Variants in SEMA4B observed in about 807,000 individuals in gnomAD.
SEMA4B encodes semaphorin 4B.
SEMA4B carries 55 observed loss-of-function variants against 88.1 expected under a neutral mutation model. That is an observed-to-expected ratio of 0.62 (90% CI 0.50 to 0.78). The LOEUF (loss-of-function observed/expected upper bound fraction) is 0.78. SEMA4B is among the 30% of genes least tolerant of loss of function. SEMA4B has a pLI of 0.00. For missense variants in SEMA4B, 1,062 were observed against 1,111.9 expected, an observed-to-expected ratio of 0.96 and a Z score of 0.64; for synonymous variants, 525 against 473.6, an observed-to-expected ratio of 1.11 and a Z score of -1.41.
chr15:90,227,413 G>A (rs1395778214), intron 12 of SEMA4B, 144 bp from the exon 13 acceptor site: 4 of 637,604 alleles, frequency 6.3e-6, no homozygotes, highest in African/African-American at 3.7e-5. Context: ...GAAATAATGT[G>A]TAGACAGAGG....
intron 1 of SEMA4B, among the ~76,000 whole-genome samples, chr15:90,215,269 C>T (rs1961479603): frequency 6.6e-6 from 1 of 150,420 alleles, no homozygotes; most frequent in Non-Finnish European, 1.5e-5. Flanking sequence ...ATAAGGATAA[C>T]CTGCTTATTA....
In SEMA4B at chr15:90,228,551, C is replaced by T. The variant is rs777268721; in HGVS notation, c.2422C>T (p.Leu808Phe). Residue 808 changes from leucine to phenylalanine, a missense_variant, in exon 14 of 14, where the codon CTC becomes TTC. Leu to Phe is a conservative substitution (Grantham distance 22, BLOSUM62 0). Transcript: ENST00000411539. ...RVFTESEKRP[L>F]SIQDSFVEVS... is the part of the protein sequence containing the mutation. ...CTTCACTGAGTCAGAGAAGAGGCCA[C>T]TCAGCATCCAAGACAGCTTCGTGGA... The T allele has an allele frequency of 6.8e-6, 11 of 1,613,096 alleles. No homozygotes were observed. The Admixed American group carries it at 1.8e-4, about 27-fold the overall frequency.
At chr15:90,215,691 A>C (rs1961501014) in intron 1 of SEMA4B, among the ~76,000 whole-genome samples, 1 of 152,100 alleles carries the variant, frequency 6.6e-6, no homozygotes, top group South Asian at 2.1e-4. Flanking sequence ...ACATGCCTGT[A>C]ATCCCAGCTA....
At chr15:90,195,893 A>T (rs1387722464) in intron 1 of SEMA4B, among the ~76,000 whole-genome samples, 1 of 148,000 alleles carries the variant, frequency 6.8e-6, no homozygotes, top group African/African-American at 2.5e-5. Flanking sequence ...TCCAGGCGTG[A>T]GCTGCTGGGC....
chr15:90,204,854 C>T (rs972930509), intron 1 of SEMA4B, among the ~76,000 whole-genome samples: 4 of 152,308 alleles, frequency 2.6e-5, no homozygotes, highest in East Asian at 1.9e-4. Flanking sequence ...CCGCTCACTG[C>T]AGCCTCCACC....
Position 90,228,820 on chromosome 15 carries a change from C to T in SEMA4B, c.*177C>T. 1.2e-6 allele frequency: 1 copy of T among 808,782 alleles called. No individual in the cohort carries two copies. Among genetic ancestry groups the T allele is most frequent in the Non-Finnish European group, 1.9e-6 (1 of 528,020 alleles). 50.1% of individuals were successfully genotyped at this position (808,782 alleles called of 1,614,324 possible). On this transcript the variant is annotated 3_prime_UTR_variant, in exon 14 of 14. Coordinates refer to ENST00000411539, the MANE Select transcript of SEMA4B (RefSeq NM_198925.4). ...CAGTCAAGTAGCGAAGCTCCTACCA[C>T]CCAGACACCCAAACAGCCGTGGCCC... is the stretch of plus-strand genomic sequence containing the variant.
intron 1 of SEMA4B, among the ~76,000 whole-genome samples, chr15:90,186,100 A>T (rs1368244878): frequency 8.6e-5 from 13 of 151,594 alleles, no homozygotes; most frequent in Non-Finnish European, 1.5e-5. Context: ...TGCCAAGCTA[A>T]TTTTTGTATT....
intron 5 of SEMA4B, 125 bp from the exon 6 acceptor site, chr15:90,221,242 A>C: frequency 8.7e-7 from 1 of 1,150,962 alleles, no homozygotes; most frequent in South Asian, 1.3e-5. Flanking sequence ...TGGTTTTTCC[A>C]AGTTCCAGCT....
chr15:90,204,298 C>T (rs1015472535), intron 1 of SEMA4B, among the ~76,000 whole-genome samples: 8 of 152,202 alleles, frequency 5.3e-5, no homozygotes, highest in African/African-American at 1.2e-4. Context: ...ACCCATGCCC[C>T]GTAAGGACCC....
At chr15:90,197,202 C>T (rs1345258058), upstream of SEMA4B, among the ~76,000 whole-genome samples, 2 of 151,990 alleles carry the variant, frequency 1.3e-5, no homozygotes, top group East Asian at 2.0e-4. Context: ...GCCTGGGCAA[C>T]GTGGTGAAAC....
At chr15:90,186,133 C>G (rs1027214666) in intron 1 of SEMA4B, among the ~76,000 whole-genome samples, 1 of 151,806 alleles carries the variant, frequency 6.6e-6, no homozygotes, top group Non-Finnish European at 1.5e-5. Flanking sequence ...AGGGTTTCAC[C>G]ATGTTGGCTA....
intron 5 of SEMA4B, 92 bp downstream of exon 5, chr15:90,221,185 A>G (rs888784963): frequency 5.8e-5 from 66 of 1,142,456 alleles, no homozygotes; most frequent in African/African-American, 1.5e-4. Context: ...AGTCCATGCC[A>G]TGCTTATTTC....
At position 90,201,707 on chromosome 15, in the gene SEMA4B, G is replaced by C; in HGVS notation, c.129G>C (p.Ala43=). 1 of 1,496,588 alleles carries C rather than the reference G, an allele frequency of 6.7e-7. No individual in the cohort carries two copies. The highest frequency in any genetic ancestry group is 8.9e-7 in the Non-Finnish European group (1 of 1,128,702). The allele number at this position is 1,496,588 out of a possible 1,614,324, so 92.7% of individuals were successfully genotyped here. A position where few individuals can be genotyped will look rare whatever the true frequency, so the allele number is the denominator to read the frequency against. ...LLLQPPPPTW[A]LSPRISLPLG... ...TGCAGCCGCCGCCTCCGACCTGGGC[G>C]CTCAGCCCCCGGATCAGCCTGCCTC... The change falls in exon 1 of 14, where the codon GCG becomes GCC. Residue 43 remains alanine, a synonymous_variant. Transcript: ENST00000411539.
chr15:90,199,125 C>T (rs911909982), upstream of SEMA4B, among the ~76,000 whole-genome samples: 5 of 152,102 alleles, frequency 3.3e-5, no homozygotes, highest in African/African-American at 7.2e-5. Context: ...CTGCCCGCCT[C>T]GGCCCACCAA....
Position 90,212,934 on chromosome 15 carries a change from T to C in SEMA4B, c.158-4505T>C, listed in dbSNP as rs1961345591. ...ACCCCCTGGATGAGGGAGGCCCGAC[T>C]CCCGCAAGGAGCCCTGCCCTTCTGC... On this transcript the variant is annotated intron_variant, in intron 1 of 13. Coordinates refer to ENST00000411539, the MANE Select transcript of SEMA4B (RefSeq NM_198925.4). The surrounding 1 kb of genome is among the most constrained non-coding windows in gnomAD (Gnocchi z 4.0). Among the ~76,000 whole-genome samples the C allele has an allele frequency of 6.6e-6, 1 of 152,154 alleles. No homozygotes were observed. The highest frequency in any genetic ancestry group is 6.6e-5 in the Admixed American group (1 of 15,264).
chr15:90,189,790 CCT>C (rs1392095998), intron 1 of SEMA4B, among the ~76,000 whole-genome samples: 2 of 152,224 alleles, frequency 1.3e-5, no homozygotes, highest in East Asian at 3.9e-4. Flanking sequence ...GCTCTGATTC[CCT>C]CTCTCCTGAA....
chr15:90,185,418 C>G (rs1960135176), intron 1 of SEMA4B, among the ~76,000 whole-genome samples: 1 of 152,244 alleles, frequency 6.6e-6, no homozygotes, highest in Non-Finnish European at 1.5e-5. Flanking sequence ...GGCCTGGGCC[C>G]CTGCGGAATG....
intron 1 of SEMA4B, among the ~76,000 whole-genome samples, chr15:90,207,669 C>G (rs554521938): frequency 6.6e-6 from 1 of 152,372 alleles, no homozygotes; most frequent in Non-Finnish European, 1.5e-5. Flanking sequence ...CCTGCTTCAC[C>G]TGTGAATCGT....
At chr15:90,215,824 A>G (rs981286922) in intron 1 of SEMA4B, among the ~76,000 whole-genome samples, 8 of 152,132 alleles carry the variant, frequency 5.3e-5, no homozygotes, top group African/African-American at 1.9e-4. Context: ...AAAATAAATA[A>G]AATTTGTATC....
Sources: gnomAD v4.1 joint callset for allele counts (sites outside exome capture counted in the v4.1 genomes callset) on GRCh38, gnomAD v4.1.1 for gene constraint, Gnocchi (gnomAD v3.1) non-coding constraint, MANE v1.5 for transcripts, NCBI Gene and HGNC (gene_info 2026-07-23, HGNC 2026-07-21) for gene names.